SPECC1L: variants seen among roughly 807,000 people sequenced by gnomAD.
SPECC1L encodes cytospin-A.
Under a neutral mutation model 116.8 loss-of-function variants are expected in SPECC1L, and 40 were observed. The observed-to-expected ratio is 0.34, with a 90% CI of 0.27 to 0.45. The LOEUF is 0.45. Among genes scored for constraint, SPECC1L ranks in the 20% least tolerant of loss-of-function variants. The pLI is 1.00. For synonymous variants in SPECC1L, 504 were observed against 500.6 expected (o/e 1.01, Z -0.09); for missense variants, 1,110 against 1,373.6 (o/e 0.81, Z 3.03).
At chr22:24,348,744 T>C (rs569178567) in intron 11 of SPECC1L, among the ~76,000 whole-genome samples, 1 of 152,382 alleles carries the variant, frequency 6.6e-6, no homozygotes, top group South Asian at 2.1e-4. Context: ...TGCCATGGCC[T>C]GGCTGTTAAC....
At chr22:24,405,615 A>G (rs2042573720) in intron 14 of SPECC1L, among the ~76,000 whole-genome samples, 1 of 152,094 alleles carries the variant, frequency 6.6e-6, no homozygotes, top group South Asian at 2.1e-4. Flanking sequence ...TGAGGTGGAC[A>G]GATCACCTGA....
At chr22:24,382,686 C>T (rs1041136924) in intron 14 of SPECC1L, among the ~76,000 whole-genome samples, 7 of 117,302 alleles carry the variant, frequency 6.0e-5, no homozygotes, top group Middle Eastern at 0.01. Context: ...GCCTGGGCAA[C>T]AGAGCAAGAC....
chr22:24,303,176 A>G (rs183023842), intron 3 of SPECC1L, among the ~76,000 whole-genome samples: 43 of 152,218 alleles, frequency 2.8e-4, no homozygotes. Context: ...TGGCTTAATT[A>G]TTTTAAGAAG....
intron 14 of SPECC1L, among the ~76,000 whole-genome samples, chr22:24,399,810 A>C (rs1329712120): frequency 6.6e-6 from 1 of 152,158 alleles, no homozygotes; most frequent in Non-Finnish European, 1.5e-5. Context: ...CTTTTGCCAT[A>C]CCAGAGGTAC....
At chr22:24,271,412 G>A (rs1386906463) in intron 1 of SPECC1L, among the ~76,000 whole-genome samples, 1 of 152,274 alleles carries the variant, frequency 6.6e-6, no homozygotes, top group Non-Finnish European at 1.5e-5. Flanking sequence ...TGGCCCCGAG[G>A]GCGCAGAGCG....
At chr22:24,389,207 C>T (rs1270580971) in intron 14 of SPECC1L, among the ~76,000 whole-genome samples, 2 of 150,128 alleles carry the variant, frequency 1.3e-5, no homozygotes, top group Non-Finnish European at 1.5e-5. Flanking sequence ...ACCTCTGCCT[C>T]CTGGGTTCAA....
intron 11 of SPECC1L, among the ~76,000 whole-genome samples, chr22:24,347,513 AG>A (rs2041321837): frequency 6.6e-6 from 1 of 152,222 alleles, no homozygotes; most frequent in South Asian, 2.1e-4. Flanking sequence ...AATTCAATTC[AG>A]GTTAACACAG....
At chr22:24,316,395 C>G (rs1284869291) in intron 4 of SPECC1L, among the ~76,000 whole-genome samples, 1 of 150,482 alleles carries the variant, frequency 6.6e-6, no homozygotes, top group Non-Finnish European at 1.5e-5. Flanking sequence ...GAACAAAGGT[C>G]TCTGGTTTTC....
intron 14 of SPECC1L, among the ~76,000 whole-genome samples, chr22:24,401,427 G>A (rs1026481341): frequency 6.6e-6 from 1 of 152,320 alleles, no homozygotes; most frequent in South Asian, 2.1e-4. Context: ...TTCGCAGCAG[G>A]ACTGGCTGCC....
chr22:24,280,617 G>A (rs1311459409), intron 2 of SPECC1L, among the ~76,000 whole-genome samples: 1 of 125,060 alleles, frequency 8.0e-6, no homozygotes, highest in African/African-American at 3.1e-5. Flanking sequence ...TCACTCTGTT[G>A]CTCAGGCTGG....
At chr22:24,401,550 C>G (rs961483466) in intron 14 of SPECC1L, among the ~76,000 whole-genome samples, 1 of 152,194 alleles carries the variant, frequency 6.6e-6, no homozygotes, top group Admixed American at 6.5e-5. Flanking sequence ...GTCAGCTGTT[C>G]AGCTGCCTTG....
At chr22:24,345,422 G>A (rs886267064) in intron 10 of SPECC1L, among the ~76,000 whole-genome samples, 8 of 152,038 alleles carry the variant, frequency 5.3e-5, no homozygotes, top group East Asian at 1.9e-4. Context: ...ATATAAAAAA[G>A]CATGAACTAT....
At chr22:24,334,798 A>C (rs1316232071) in intron 9 of SPECC1L, among the ~76,000 whole-genome samples, 2 of 152,242 alleles carry the variant, frequency 1.3e-5, no homozygotes, top group African/African-American at 4.8e-5. Context: ...TCCCATGCAG[A>C]GATGTGTCTT....
In SPECC1L at chr22:24,328,878, G is replaced by A. The variant is rs201557968; in HGVS notation, c.2179G>A (p.Asp727Asn). The A allele has an allele frequency of 3.7e-6, 6 of 1,613,710 alleles. No individual in the cohort carries two copies. Among genetic ancestry groups the A allele is most frequent in the Non-Finnish European group, 3.4e-6 (4 of 1,179,714 alleles). ...TVKKLQDQKH[D>N]MEREIKTLHR... is the part of the protein sequence containing the mutation. ...TAAAAAACTCCAGGACCAAAAGCAC[G>A]ACATGGAAAGAGAAATAAAGACACT... The change falls in exon 7 of 17, where the codon GAC becomes AAC. Residue 727 changes from aspartate to asparagine, a missense_variant. Asp to Asn is a conservative substitution (Grantham distance 23). Coordinates refer to ENST00000314328, the MANE Select transcript of SPECC1L (RefSeq NM_015330.6).
At chr22:24,278,028 A>C (rs1476050525) in intron 2 of SPECC1L, among the ~76,000 whole-genome samples, 3 of 152,076 alleles carry the variant, frequency 2.0e-5, no homozygotes, top group Non-Finnish European at 2.9e-5. Flanking sequence ...CCACTTCCTC[A>C]CCAGTGTATG....
Position 24,322,886 on chromosome 22 carries a change from G to A in SPECC1L, c.1906G>A (p.Asp636Asn). The change falls in exon 5 of 17, where the codon GAT (aspartate) becomes AAT (asparagine). Residue 636 changes from aspartate to asparagine, a missense_variant. This residue lies in a region of SPECC1L where 575 missense variants were observed against 682.4 expected (regional missense o/e 0.84). Coordinates refer to ENST00000314328, the MANE Select transcript of SPECC1L (RefSeq NM_015330.6). ...LQEDLAHTRN[D>N]ANRLQDAIAK... ...GGAAGATCTGGCTCATACCCGAAAT[G>A]ATGCCAATCGATTACAGGATGCCAT... is the stretch of plus-strand genomic sequence containing the variant. The A allele has an allele frequency of 6.2e-7, 1 of 1,613,898 alleles. No homozygotes were observed. The highest frequency in any genetic ancestry group is 1.7e-5 in the Admixed American group (1 of 59,992).
At chr22:24,334,197 A>G (rs955188772) in intron 8 of SPECC1L, among the ~76,000 whole-genome samples, 20 of 151,896 alleles carry the variant, frequency 1.3e-4, no homozygotes, top group African/African-American at 4.6e-4. Context: ...TATTTTTAGT[A>G]GAGATGGGGT....
chr22:24,388,543 C>T (rs1318974546), intron 14 of SPECC1L, among the ~76,000 whole-genome samples: 1 of 151,942 alleles, frequency 6.6e-6, no homozygotes, highest in Admixed American at 6.6e-5. Context: ...CCGCAATAAA[C>T]ATACGTGTGC....
intron 11 of SPECC1L, among the ~76,000 whole-genome samples, chr22:24,362,810 A>G (rs2041671289): frequency 6.6e-6 from 1 of 152,106 alleles, no homozygotes; most frequent in South Asian, 2.1e-4. Flanking sequence ...GTGGTTTGAT[A>G]ATACTTTTGT....
Sources: gnomAD v4.1 joint callset for allele counts (sites outside exome capture counted in the v4.1 genomes callset) on GRCh38, gnomAD v4.1.1 for gene constraint, gnomAD v4.1.1 regional missense constraint, MANE v1.5 for transcripts, NCBI Gene and HGNC (gene_info 2026-07-23, HGNC 2026-07-21) for gene names.